The following MBD5 variants were observed in gnomAD, a reference collection of about 807,000 sequenced individuals.
MBD5 encodes methyl-CpG binding domain protein 5, also known as methyl-CpG-binding domain protein 5.
A neutral mutation model predicts 117.3 loss-of-function variants in MBD5; 13 were observed. The observed-to-expected ratio is 0.11, with a 90% CI of 0.07 to 0.18. The LOEUF is 0.18. MBD5 is among the 10% of genes least tolerant of loss of function. MBD5 has a pLI of 1.00. For missense variants in MBD5, 1,879 were observed against 2,093.8 expected, an observed-to-expected ratio of 0.90 and a Z score of 2.00; for synonymous variants, 727 against 766.4, an observed-to-expected ratio of 0.95 and a Z score of 0.85.
At chr2:148,290,238 G>A (rs925965284) in intron 3 of MBD5, among the ~76,000 whole-genome samples, 2 of 150,286 alleles carry the variant, frequency 1.3e-5, no homozygotes, top group Admixed American at 6.7e-5. Flanking sequence ...GATTATAGGC[G>A]TGAGTCACCG....
chr2:148,106,666 T>A (rs1169394689), intron 1 of MBD5, among the ~76,000 whole-genome samples: 1 of 151,956 alleles, frequency 6.6e-6, no homozygotes, highest in African/African-American at 2.4e-5. Context: ...GTATTCTTAT[T>A]ATCATTTGTT....
chr2:148,459,603 T>C lies in MBD5; in HGVS notation c.113+732T>C, dbSNP rs1057385348. On this transcript the variant is annotated intron_variant, in intron 5 of 13. Transcript: ENST00000642680. ...ACCATAAATCTTTCTTGTGATGTAA[T>C]GAAAAATTTTAGAAACAACTTAAAA... is the stretch of plus-strand genomic sequence containing the variant. Among the ~76,000 whole-genome samples the C allele has an allele frequency of 3.4e-4, 52 of 152,332 alleles. 2 individuals are homozygous for C. Among genetic ancestry groups the C allele is most frequent in the Admixed American group, 3.4e-3 (52 of 15,292 alleles).
chr2:148,444,311 C>CTAA (rs5835188), intron 4 of MBD5, among the ~76,000 whole-genome samples: 43,032 of 150,806 alleles, frequency 0.29, 7,481 homozygotes, highest in African/African-American at 0.43. Context: ...GCACTCACAT[C>CTAA]TATTCCTTTC....
rs377202803 is a variant in MBD5 at position 148,330,088 on chromosome 2, T to TACACACAC, written c.-679-12103_-679-12096dup. ...CACACTGCCTAAAGCCCTCCTGCCA[T>TACACACAC]ACACACACACACACACACACACACA... On this transcript the variant is annotated intron_variant, in intron 3 of 13. Coordinates refer to ENST00000642680, the MANE Select transcript of MBD5 (RefSeq NM_001378120.1). 2.3e-3 allele frequency among the ~76,000 whole-genome samples: 92 copies of TACACACAC among 40,412 alleles called. 1 individual carries two copies. Among genetic ancestry groups the TACACACAC allele is most frequent in the African/African-American group, 2.6e-3 (35 of 13,294 alleles). The allele number at this position is 40,412 out of a possible 152,430, so 26.5% of individuals were successfully genotyped here. A position where few individuals can be genotyped will look rare whatever the true frequency, so the allele number is the denominator to read the frequency against.
chr2:148,122,066 GT>G (rs1019816965), intron 1 of MBD5, among the ~76,000 whole-genome samples: 3 of 152,046 alleles, frequency 2.0e-5, no homozygotes, highest in African/African-American at 7.2e-5. Flanking sequence ...CTTGCATCCT[GT>G]TTTTAAATCA....
Position 148,290,605 on chromosome 2 carries a change from C to A in MBD5, c.-679-51609C>A, listed in dbSNP as rs141196428. ...ATGTTTTCAGTGTGACAACCCCAGG[C>A]TCTTCCCCGCTCATTATTTTCTCTT... On this transcript the variant is annotated intron_variant, in intron 3 of 13. Coordinates refer to ENST00000642680, the MANE Select transcript of MBD5 (RefSeq NM_001378120.1). 4.0e-3 allele frequency among the ~76,000 whole-genome samples: 610 copies of A among 152,240 alleles called. 3 individuals carry two copies. The highest frequency in any genetic ancestry group is 0.014 in the African/African-American group (573 of 41,546).
intron 1 of MBD5, among the ~76,000 whole-genome samples, chr2:148,146,367 T>A (rs1187278219): frequency 6.6e-6 from 1 of 152,050 alleles, no homozygotes; most frequent in Non-Finnish European, 1.5e-5. Context: ...CAAGTGATCC[T>A]CTCTATAGGT....
chr2:148,353,486 A>G (rs1353976167), intron 4 of MBD5, among the ~76,000 whole-genome samples: 1 of 152,114 alleles, frequency 6.6e-6, no homozygotes, highest in Non-Finnish European at 1.5e-5. Flanking sequence ...GACATCATAT[A>G]TTAACAACAC....
At chr2:148,493,590 T>G (rs559838731) in intron 11 of MBD5, among the ~76,000 whole-genome samples, 2 of 152,352 alleles carry the variant, frequency 1.3e-5, no homozygotes, top group Non-Finnish European at 2.9e-5. Context: ...TGCTGTGTGA[T>G]CAGAGCACTG....
chr2:148,218,466 A>G (rs533415472), intron 2 of MBD5, among the ~76,000 whole-genome samples: 1 of 152,368 alleles, frequency 6.6e-6, no homozygotes, highest in South Asian at 2.1e-4. Flanking sequence ...AGAGAGGTGC[A>G]CACTTTCTGT....
chr2:148,382,295 G>A (rs565499192), intron 4 of MBD5, among the ~76,000 whole-genome samples: 1 of 151,840 alleles, frequency 6.6e-6, no homozygotes, highest in South Asian at 2.1e-4. Context: ...AAAAGGCAGG[G>A]GTTGCAATCC....
chr2:148,359,960 T>TC (rs1703486442), intron 4 of MBD5, among the ~76,000 whole-genome samples: 1 of 152,058 alleles, frequency 6.6e-6, no homozygotes, highest in Admixed American at 6.5e-5. Context: ...CATATTTACT[T>TC]CCTGTCCTTC....
At chr2:148,414,897 G>A (rs1037808278) in intron 4 of MBD5, among the ~76,000 whole-genome samples, 1 of 152,078 alleles carries the variant, frequency 6.6e-6, no homozygotes, top group African/African-American at 2.4e-5. Context: ...ATACTTCTGG[G>A]TCTTGATGCT....
At chr2:148,265,848 C>T (rs577955703) in intron 3 of MBD5, among the ~76,000 whole-genome samples, 168 of 152,158 alleles carry the variant, frequency 1.1e-3, no homozygotes, top group African/African-American at 3.9e-3. Flanking sequence ...TGGAGATAGA[C>T]AAGCTGCTTA....
intron 12 of MBD5, 69 bp downstream of exon 12, chr2:148,502,578 C>A: frequency 1.4e-6 from 2 of 1,431,346 alleles, no homozygotes; most frequent in Non-Finnish European, 1.9e-6. Context: ...ATCAAAGGGA[C>A]AATGAAATCT....
intron 3 of MBD5, among the ~76,000 whole-genome samples, chr2:148,282,506 G>A (rs1381151248): frequency 1.3e-5 from 2 of 149,962 alleles, no homozygotes; most frequent in Non-Finnish European, 3.0e-5. Context: ...AGGATTAAAT[G>A]AAATCTCAAA....
At position 148,057,158 on chromosome 2, in the gene MBD5, G is replaced by C. The variant is rs567574206; in HGVS notation, c.-925+35474G>C. On this transcript the variant is annotated intron_variant, in intron 1 of 13. Coordinates refer to ENST00000642680, the MANE Select transcript of MBD5 (RefSeq NM_001378120.1). The stretch of plus-strand genomic sequence containing the variant: ...TATTAATCTTTTTGAAAAGGAACCA[G>C]TTTTTTGTATTACTGTTATTTTCTA... Among the ~76,000 whole-genome samples the C allele has an allele frequency of 4.3e-4, 65 of 151,796 alleles. 3 individuals are homozygous for C. The South Asian group carries it at 0.013, about 31-fold the overall frequency.
chr2:148,114,006 G>A (rs1696561024), intron 1 of MBD5, among the ~76,000 whole-genome samples: 1 of 152,010 alleles, frequency 6.6e-6, no homozygotes, highest in African/African-American at 2.4e-5. Context: ...GTTATTGGCT[G>A]TATAATATTG....
chr2:148,462,454 A>G (rs1439134952), intron 5 of MBD5, 128 bp from the exon 6 acceptor site: 2 of 686,178 alleles, frequency 2.9e-6, no homozygotes, highest in Non-Finnish European at 5.2e-6. Flanking sequence ...TAATATTGAC[A>G]AAGAAAATGC....
Sources: gnomAD v4.1 joint callset for allele counts (sites outside exome capture counted in the v4.1 genomes callset) on GRCh38, gnomAD v4.1.1 for gene constraint, MANE v1.5 for transcripts, NCBI Gene and HGNC (gene_info 2026-07-23, HGNC 2026-07-21) for gene names.